KMT2E: variants seen among roughly 807,000 people sequenced by gnomAD.
The protein encoded by KMT2E is histone reader KMT2E.
A neutral mutation model predicts 184.6 loss-of-function variants in KMT2E; 30 were observed. That is an observed-to-expected ratio of 0.16 (90% CI 0.12 to 0.22). The LOEUF is 0.22. Among genes scored for constraint, KMT2E ranks in the 10% least tolerant of loss-of-function variants. KMT2E has a pLI of 1.00. For missense variants in KMT2E, 2,023 were observed against 2,237.4 expected, an observed-to-expected ratio of 0.90 and a Z score of 1.93; for synonymous variants, 815 against 776.5, an observed-to-expected ratio of 1.05 and a Z score of -0.82.
chr7:105,018,858 T>G (rs2129563849), intron 1 of KMT2E, among the ~76,000 whole-genome samples: 1 of 152,284 alleles, frequency 6.6e-6, no homozygotes, highest in African/African-American at 2.4e-5. Context: ...CAGTATTTGT[T>G]GTTGAAATTG....
At chr7:105,059,975 GTTGTTTTTTTTTTTT>G (rs1328146539) in intron 3 of KMT2E, among the ~76,000 whole-genome samples, 22 of 45,616 alleles carry the variant, frequency 4.8e-4, no homozygotes, top group South Asian at 3.6e-3. Context: ...TTTTCTTGTT[GTTGTTTTTTTTTTTT>G]TTTTTTTTTT....
At chr7:105,049,765 G>C (rs939554539) in intron 3 of KMT2E, among the ~76,000 whole-genome samples, 4 of 151,824 alleles carry the variant, frequency 2.6e-5, no homozygotes, top group Non-Finnish European at 5.9e-5. Context: ...AGTGGCGGGC[G>C]CCTGTAATCC....
At chr7:105,020,191 T>TA (rs1794892615) in intron 1 of KMT2E, among the ~76,000 whole-genome samples, 2 of 152,150 alleles carry the variant, frequency 1.3e-5, no homozygotes, top group Admixed American at 1.3e-4. Flanking sequence ...TGATATTGTG[T>TA]AATCACACCT....
intron 9 of KMT2E, among the ~76,000 whole-genome samples, chr7:105,076,433 T>C (rs1562910202): frequency 6.6e-6 from 1 of 152,246 alleles, no homozygotes; most frequent in Non-Finnish European, 1.5e-5. Context: ...ATTTGCACTT[T>C]TGCATAGTTG....
intron 3 of KMT2E, among the ~76,000 whole-genome samples, chr7:105,055,249 C>T (rs1796533317): frequency 7.6e-6 from 1 of 132,400 alleles, no homozygotes; most frequent in African/African-American, 2.9e-5. Flanking sequence ...GATGGGGTCT[C>T]ACTATATTGC....
At chr7:105,041,121 T>A (rs1327473007) in intron 3 of KMT2E, 98 bp downstream of exon 3, 1 of 672,604 alleles carries the variant, frequency 1.5e-6, no homozygotes, top group Non-Finnish European at 2.4e-6. Flanking sequence ...TTAAATTTCT[T>A]CTTTCCTAGC....
chr7:105,026,616 C>A (rs1281987038), intron 1 of KMT2E, among the ~76,000 whole-genome samples: 1 of 152,118 alleles, frequency 6.6e-6, no homozygotes, highest in African/African-American at 2.4e-5. Context: ...GTACAGTAAC[C>A]TAGTTGCTGT....
intron 6 of KMT2E, among the ~76,000 whole-genome samples, chr7:105,072,808 G>A (rs1216109761): frequency 6.6e-6 from 1 of 152,088 alleles, no homozygotes; most frequent in African/African-American, 2.4e-5. Context: ...CCAGCTACTT[G>A]GGAGGCTGAG....
At position 105,106,073 on chromosome 7, in the gene KMT2E, A is replaced by C. The variant is rs1041148658; in HGVS notation, c.2596+70A>C. On this transcript the variant is annotated intron_variant, in intron 19 of 26. Transcript: ENST00000311117. Reference sequence around the variant, plus strand: ...GCATACATACAGCTTTATAACAGGCATATTTCTAGTTACTGGTATGCACTT... The same window carrying C: ...GCATACATACAGCTTTATAACAGGCCTATTTCTAGTTACTGGTATGCACTT... 2.2e-6 allele frequency: 3 copies of C among 1,393,870 alleles called. No individual in the cohort carries two copies. The South Asian group carries it at 4.0e-5, about 18-fold the overall frequency. 86.3% of individuals were successfully genotyped at this position (1,393,870 alleles called of 1,614,324 possible).
intron 5 of KMT2E, among the ~76,000 whole-genome samples, chr7:105,065,535 A>G (rs1796992731): frequency 6.6e-6 from 1 of 152,182 alleles, no homozygotes; most frequent in African/African-American, 2.4e-5. Flanking sequence ...CTGAAACTGC[A>G]GAGAGTACTG....
At chr7:105,016,102 G>A (rs143220670) in intron 1 of KMT2E, among the ~76,000 whole-genome samples, 45 of 152,274 alleles carry the variant, frequency 3.0e-4, no homozygotes, top group African/African-American at 1.0e-3. Context: ...ATGATTAAAT[G>A]TTTCAATCTA....
intron 14 of KMT2E, among the ~76,000 whole-genome samples, chr7:105,090,811 A>T (rs919178561): frequency 1.3e-5 from 2 of 152,168 alleles, no homozygotes; most frequent in African/African-American, 4.8e-5. Context: ...AAATGTGAAA[A>T]TTAAGTAAGG....
intron 1 of KMT2E, among the ~76,000 whole-genome samples, chr7:105,017,956 A>G (rs1263105836): frequency 1.3e-5 from 2 of 152,174 alleles, no homozygotes; most frequent in African/African-American, 4.8e-5. Context: ...GAGAGAAATC[A>G]TTGCCATATA....
At chr7:105,073,202 G>C (rs2129567879) in intron 6 of KMT2E, among the ~76,000 whole-genome samples, 1 of 151,944 alleles carries the variant, frequency 6.6e-6, no homozygotes, top group East Asian at 1.9e-4. Context: ...TGATCCAGGA[G>C]TTCAAGACCA....
chr7:105,023,992 GA>G (rs1795068821), intron 1 of KMT2E, among the ~76,000 whole-genome samples: 1 of 152,036 alleles, frequency 6.6e-6, no homozygotes, highest in Non-Finnish European at 1.5e-5. Flanking sequence ...AAAAGAAACA[GA>G]AAAACACTTA....
chr7:105,084,530 G>A (rs979529573), intron 13 of KMT2E, among the ~76,000 whole-genome samples: 5 of 152,086 alleles, frequency 3.3e-5, no homozygotes, highest in Non-Finnish European at 5.9e-5. Context: ...GGGAGGCTGA[G>A]GCAGAAGAAT....
intron 1 of KMT2E, among the ~76,000 whole-genome samples, chr7:105,021,876 A>G (rs541444592): frequency 6.6e-6 from 1 of 152,306 alleles, no homozygotes; most frequent in Non-Finnish European, 1.5e-5. Flanking sequence ...AAAAACCAAG[A>G]TATTTTTGGT....
chr7:105,026,708 T>C (rs1795191166), intron 1 of KMT2E, among the ~76,000 whole-genome samples: 1 of 152,238 alleles, frequency 6.6e-6, no homozygotes, highest in African/African-American at 2.4e-5. Flanking sequence ...GCAAATCTCA[T>C]GGATGTGATA....
At chr7:105,073,254 C>T (rs954486964) in intron 6 of KMT2E, among the ~76,000 whole-genome samples, 6 of 151,418 alleles carry the variant, frequency 4.0e-5, no homozygotes, top group African/African-American at 7.3e-5. Context: ...AAAATTAGCC[C>T]GGCATGATGG....
Sources: allele counts gnomAD v4.1 joint callset (sites outside exome capture counted in the v4.1 genomes callset), GRCh38; gene constraint gnomAD v4.1.1; transcripts MANE v1.5; gene names NCBI Gene and HGNC (gene_info 2026-07-23, HGNC 2026-07-21).